The following DSCAM variants were observed in gnomAD, a reference collection of about 807,000 sequenced individuals.
DSCAM encodes cell adhesion molecule DSCAM.
In DSCAM, 47 loss-of-function variants were observed where a neutral mutation model predicts 217.7. That is an observed-to-expected ratio of 0.22 (90% CI 0.17 to 0.28). DSCAM has a LOEUF of 0.28. Among genes scored for constraint, DSCAM ranks in the 10% least tolerant of loss-of-function variants. The pLI, the probability that DSCAM is intolerant of heterozygous loss-of-function variation, is 1.00. For missense variants in DSCAM, 2,080 were observed against 2,618.3 expected (o/e 0.79, Z 4.49); for synonymous variants, 1,056 against 1,015.3 (o/e 1.04, Z -0.76).
At chr21:40,680,758 T>C (rs1328981204) in intron 3 of DSCAM, among the ~76,000 whole-genome samples, 3 of 152,246 alleles carry the variant, frequency 2.0e-5, no homozygotes, top group South Asian at 2.1e-4. Flanking sequence ...ACTTCTCCCA[T>C]ACATGAGCCT....
chr21:40,336,620 T>C (rs1370342727), intron 8 of DSCAM, among the ~76,000 whole-genome samples: 1 of 152,242 alleles, frequency 6.6e-6, no homozygotes, highest in Non-Finnish European at 1.5e-5. Context: ...AATTTTAAGA[T>C]GACAGAGTAC....
chr21:40,827,212 C>T (rs2091975733), intron 1 of DSCAM, among the ~76,000 whole-genome samples: 1 of 152,040 alleles, frequency 6.6e-6, no homozygotes, highest in Admixed American at 6.6e-5. Flanking sequence ...GTCACAGCTG[C>T]TGAGAGAGTG....
chr21:40,639,363 A>G (rs1478982721), intron 3 of DSCAM, among the ~76,000 whole-genome samples: 1 of 152,192 alleles, frequency 6.6e-6, no homozygotes, highest in African/African-American at 2.4e-5. Context: ...AGTATGTGAC[A>G]TTAGTTTTAA....
chr21:40,843,530 GC>G (rs2092119728), intron 1 of DSCAM, among the ~76,000 whole-genome samples: 1 of 152,146 alleles, frequency 6.6e-6, no homozygotes, highest in South Asian at 2.1e-4. Flanking sequence ...ACTAGAATGT[GC>G]TCTGGGGTTA....
intron 4 of DSCAM, among the ~76,000 whole-genome samples, chr21:40,355,837 T>A (rs1376964927): frequency 6.6e-6 from 1 of 152,230 alleles, no homozygotes; most frequent in African/African-American, 2.4e-5. Flanking sequence ...TATTCCCTGC[T>A]TCTCTGAGTT....
At chr21:40,564,087 G>T (rs1410719314) in intron 3 of DSCAM, among the ~76,000 whole-genome samples, 2 of 152,086 alleles carry the variant, frequency 1.3e-5, no homozygotes, top group Non-Finnish European at 2.9e-5. Flanking sequence ...GTTTGTAAAT[G>T]TCAAACATTT....
chr21:40,790,983 C>T (rs2091637420), intron 1 of DSCAM, among the ~76,000 whole-genome samples: 1 of 151,086 alleles, frequency 6.6e-6, no homozygotes, highest in African/African-American at 2.4e-5. Flanking sequence ...TTAAGACCAC[C>T]CTGGCCAACA....
intron 3 of DSCAM, among the ~76,000 whole-genome samples, chr21:40,493,721 G>A (rs2076094169): frequency 6.6e-6 from 1 of 151,560 alleles, no homozygotes; most frequent in South Asian, 2.1e-4. Context: ...AAATTAGCTG[G>A]GCATGGTGGC....
intron 1 of DSCAM, among the ~76,000 whole-genome samples, chr21:40,775,646 C>A (rs7277230): frequency 6.6e-6 from 1 of 152,126 alleles, no homozygotes; most frequent in South Asian, 2.1e-4. Flanking sequence ...ACTCTAGGTT[C>A]GCCAACCTTT....
At chr21:40,395,670 G>A (rs1022651539) in intron 3 of DSCAM, among the ~76,000 whole-genome samples, 2 of 151,386 alleles carry the variant, frequency 1.3e-5, no homozygotes, top group Non-Finnish European at 2.9e-5. Context: ...TTATATTCAT[G>A]AACACAAAGA....
intron 3 of DSCAM, among the ~76,000 whole-genome samples, chr21:40,532,143 T>A (rs1354206476): frequency 6.6e-6 from 1 of 152,216 alleles, no homozygotes; most frequent in Non-Finnish European, 1.5e-5. Flanking sequence ...TGGCTTTAAA[T>A]CAATGTTATG....
At chr21:40,187,584 A>G (rs1015724314) in intron 13 of DSCAM, among the ~76,000 whole-genome samples, 5 of 152,280 alleles carry the variant, frequency 3.3e-5, no homozygotes, top group Middle Eastern at 6.8e-3. Context: ...CATCTAGTAC[A>G]TGGATTCCTA....
chr21:40,814,112 G>A (rs1362719331), intron 1 of DSCAM, among the ~76,000 whole-genome samples: 1 of 152,194 alleles, frequency 6.6e-6, no homozygotes, highest in Non-Finnish European at 1.5e-5. Flanking sequence ...GAAGCAGAAA[G>A]CAAAGGCATT....
chr21:40,142,618 C>T lies in DSCAM; in HGVS notation c.3346G>A (p.Ala1116Thr), dbSNP rs1160332260. 20 of 1,614,154 alleles carry T rather than the reference C, an allele frequency of 1.2e-5. No homozygotes were observed. The highest frequency in any genetic ancestry group is 1.7e-5 in the Non-Finnish European group (20 of 1,180,038). ...SISWSTLSKE[A>T]LNGILQGFRV... ...AACCCCTGGAGAATTCCATTCAAGG[C>T]TTCCTTGGAAAGTGTGGACCAGGAT... is the stretch of plus-strand genomic sequence containing the variant. Residue 1116 changes from alanine to threonine, a missense_variant, in exon 18 of 33, where the codon GCC becomes ACC. Coordinates refer to ENST00000400454, the MANE Select transcript of DSCAM (RefSeq NM_001389.5).
At chr21:40,844,307 T>C (rs1478606067) in intron 1 of DSCAM, among the ~76,000 whole-genome samples, 2 of 152,242 alleles carry the variant, frequency 1.3e-5, no homozygotes, top group Admixed American at 6.5e-5. Flanking sequence ...GAAAACTGTT[T>C]AAAGCTGATT....
At chr21:40,412,821 G>C (rs2075335318) in intron 3 of DSCAM, among the ~76,000 whole-genome samples, 1 of 152,216 alleles carries the variant, frequency 6.6e-6, no homozygotes, top group Admixed American at 6.5e-5. Context: ...AATGTCTCCA[G>C]GGCATGTCAG....
At chr21:40,130,891 T>C (rs2090148161) in intron 19 of DSCAM, among the ~76,000 whole-genome samples, 1 of 151,980 alleles carries the variant, frequency 6.6e-6, no homozygotes, top group African/African-American at 2.4e-5. Flanking sequence ...AGTTTAAGCC[T>C]CCAGGCTCCC....
At chr21:40,378,554 ATTTTTTTTTTTTT>A (rs71186931) in intron 3 of DSCAM, among the ~76,000 whole-genome samples, 1 of 75,650 alleles carries the variant, frequency 1.3e-5, no homozygotes, top group Non-Finnish European at 2.5e-5. Context: ...ATGAAAACTT[ATTTTTTTTTTTTT>A]TTTTTTTTTT....
chr21:40,420,317 A>G (rs961886874), intron 3 of DSCAM, among the ~76,000 whole-genome samples: 2 of 152,224 alleles, frequency 1.3e-5, no homozygotes, highest in African/African-American at 2.4e-5. Flanking sequence ...CTCAAGATCT[A>G]TGACTTGGGT....
Sources: allele counts gnomAD v4.1 joint callset (sites outside exome capture counted in the v4.1 genomes callset), GRCh38; gene constraint gnomAD v4.1.1; transcripts MANE v1.5; gene names NCBI Gene and HGNC (gene_info 2026-07-23, HGNC 2026-07-21).